PICALM: variants seen among roughly 807,000 people sequenced by gnomAD.
The protein encoded by PICALM is phosphatidylinositol-binding clathrin assembly protein.
A neutral mutation model predicts 80.5 loss-of-function variants in PICALM; 40 were observed. That is an observed-to-expected ratio of 0.50 (90% CI 0.39 to 0.65). The LOEUF (loss-of-function observed/expected upper bound fraction) is 0.65, where lower values mean the gene tolerates loss of function less well. PICALM is among the 30% of genes least tolerant of loss of function. The probability of loss-of-function intolerance (pLI) is 0.00; values close to 1 mark genes in which losing one functional copy is unlikely to be tolerated. For missense variants in PICALM, 676 were observed against 778.9 expected (o/e 0.87, Z 1.57); for synonymous variants, 288 against 260.3 (o/e 1.11, Z -1.02).
In PICALM at chr11:86,034,756, T is replaced by C. The variant is rs186046317; in HGVS notation, c.131-3145A>G. On this transcript the variant is annotated intron_variant, in intron 1 of 19. Transcript: ENST00000393346. ...CCAATATTTAAGGGGATGAAGACAA[T>C]AGGCCTAAAAATAAGCCTACCATAG... Among the ~76,000 whole-genome samples the C allele has an allele frequency of 1.1e-4, 17 of 152,144 alleles. No homozygotes were observed. The East Asian group carries it at 1.3e-3, about 12-fold the overall frequency.
At chr11:86,036,760 A>C (rs1339053051) in intron 1 of PICALM, among the ~76,000 whole-genome samples, 1 of 152,132 alleles carries the variant, frequency 6.6e-6, no homozygotes, top group Non-Finnish European at 1.5e-5. Context: ...ATATTAAGTC[A>C]AAAGTTATAG....
chr11:85,988,840 G>A (rs2094670091), intron 13 of PICALM, among the ~76,000 whole-genome samples: 1 of 152,136 alleles, frequency 6.6e-6, no homozygotes, highest in African/African-American at 2.4e-5. Flanking sequence ...TATTCCGTTT[G>A]CATAAATTAG....
intron 4 of PICALM, among the ~76,000 whole-genome samples, chr11:86,021,002 T>G (rs1271743159): frequency 6.6e-6 from 1 of 152,190 alleles, no homozygotes; most frequent in African/African-American, 2.4e-5. Flanking sequence ...CCAGAACATA[T>G]TTTTTAAAAT....
Position 85,996,852 on chromosome 11 carries a change from G to A in PICALM, c.1232C>T (p.Ala411Val). 6.2e-7 allele frequency: 1 copy of A among 1,609,178 alleles called. No individual in the cohort carries two copies. Among genetic ancestry groups the A allele is most frequent in the South Asian group, 1.1e-5 (1 of 90,852 alleles). ...FHPSVHPMST[A>V]SQVASTWGDP... Reference sequence around the variant, plus strand: ...TCCCCATGTACTTGCTACCTGAGAAGCAGTTGACATAGGATGTACAGATGG... The same window carrying A: ...TCCCCATGTACTTGCTACCTGAGAAACAGTTGACATAGGATGTACAGATGG... Residue 411 changes from alanine to valine, a missense_variant, in exon 12 of 20, where the codon GCT (alanine) becomes GTT (valine). This residue lies in a region of PICALM where 391 missense variants were observed against 383.6 expected (regional missense o/e 1.02). Coordinates refer to ENST00000393346, the MANE Select transcript of PICALM (RefSeq NM_007166.4).
chr11:86,025,432 T>C (rs1286540820), intron 3 of PICALM, among the ~76,000 whole-genome samples: 2 of 151,898 alleles, frequency 1.3e-5, no homozygotes, highest in Non-Finnish European at 2.9e-5. Flanking sequence ...GCTACGAATA[T>C]GAAGGAACAA....
At chr11:86,058,420 A>AACC (rs2137584220) in intron 1 of PICALM, among the ~76,000 whole-genome samples, 1 of 152,310 alleles carries the variant, frequency 6.6e-6, no homozygotes, top group East Asian at 1.9e-4. Flanking sequence ...CAACTTCCTC[A>AACC]ACCACTACTT....
chr11:86,051,750 T>C (rs1234843796), intron 1 of PICALM, among the ~76,000 whole-genome samples: 1 of 152,176 alleles, frequency 6.6e-6, no homozygotes, highest in Non-Finnish European at 1.5e-5. Context: ...AGAAAAGCTC[T>C]CTCCTATCTA....
intron 1 of PICALM, among the ~76,000 whole-genome samples, chr11:86,045,442 T>C (rs2096055471): frequency 7.1e-6 from 1 of 140,610 alleles, no homozygotes. Flanking sequence ...TTTGAGGCTG[T>C]AGTATGCAAT....
Position 86,011,139 on chromosome 11 carries a change from G to A in PICALM, c.659-3C>T. On this transcript the variant is annotated splice_region_variant and splice_polypyrimidine_tract_variant and intron_variant, in intron 6 of 19. Transcript: ENST00000393346. ...CTTTTTCATATCAAAATATTTTTCT[G>A]ACAAAATAAATGTAAAAATTCTTTT... The A allele has an allele frequency of 4.0e-6, 5 of 1,239,152 alleles. No individual in the cohort carries two copies. Among genetic ancestry groups the A allele is most frequent in the Admixed American group, 2.2e-5 (1 of 46,226 alleles). 76.8% of individuals were successfully genotyped at this position (1,239,152 alleles called of 1,614,324 possible).
rs199753400 is a variant in PICALM at position 85,992,753 on chromosome 11, GAA to G, written c.1259-2356_1259-2355del. Among the ~76,000 whole-genome samples the G allele has an allele frequency of 9.2e-3, 1,401 of 152,278 alleles. 69 individuals carry two copies. The highest frequency in any genetic ancestry group is 2.1e-3 in the Non-Finnish European group (141 of 68,036). On this transcript the variant is annotated intron_variant, in intron 12 of 19. Coordinates refer to ENST00000393346, the MANE Select transcript of PICALM (RefSeq NM_007166.4). ...CTGTAACAGATCCATTGGTTTATGA[GAA>G]AACACATGTTCAGGAAAGGTTACCA...
intron 1 of PICALM, among the ~76,000 whole-genome samples, chr11:86,060,796 G>T (rs1183882951): frequency 6.6e-6 from 1 of 151,096 alleles, no homozygotes. Context: ...ACTCAAAATG[G>T]ATCACAGACC....
chr11:85,988,927 C>G (rs917493709), intron 13 of PICALM, among the ~76,000 whole-genome samples: 2 of 152,210 alleles, frequency 1.3e-5, no homozygotes, highest in African/African-American at 4.8e-5. Context: ...CTATCGTGTC[C>G]TCTAATGTGT....
At chr11:86,045,723 A>G (rs1032520595) in intron 1 of PICALM, among the ~76,000 whole-genome samples, 9 of 152,124 alleles carry the variant, frequency 5.9e-5, no homozygotes, top group Non-Finnish European at 1.3e-4. Context: ...GGATATATGA[A>G]GAGTCTCCTA....
At chr11:86,027,085 C>G (rs960462036) in intron 2 of PICALM, among the ~76,000 whole-genome samples, 1 of 152,226 alleles carries the variant, frequency 6.6e-6, no homozygotes, top group Admixed American at 6.5e-5. Flanking sequence ...CTTAACATTT[C>G]ATCTTAAATG....
At chr11:86,019,778 A>G (rs1347809223) in intron 4 of PICALM, among the ~76,000 whole-genome samples, 3 of 152,234 alleles carry the variant, frequency 2.0e-5, no homozygotes, top group Non-Finnish European at 4.4e-5. Flanking sequence ...ATTTTCTTGC[A>G]TAACTAAGAG....
chr11:86,029,250 C>A (rs1272998476), intron 2 of PICALM, among the ~76,000 whole-genome samples: 1 of 152,086 alleles, frequency 6.6e-6, no homozygotes, highest in East Asian at 1.9e-4. Context: ...AAAAAAAAAT[C>A]ATCCCCCTTC....
chr11:86,061,991 C>A (rs936259391), intron 1 of PICALM, among the ~76,000 whole-genome samples: 6 of 151,552 alleles, frequency 4.0e-5, no homozygotes, highest in Non-Finnish European at 5.9e-5. Context: ...CATATTAGTA[C>A]GTGAAAAAAG....
At chr11:86,020,745 G>A (rs1259088165) in intron 4 of PICALM, among the ~76,000 whole-genome samples, 1 of 152,044 alleles carries the variant, frequency 6.6e-6, no homozygotes, top group Non-Finnish European at 1.5e-5. Context: ...AAATAGATAA[G>A]AACCTAACTA....
At chr11:85,970,396 T>C (rs1229631085) in intron 19 of PICALM, among the ~76,000 whole-genome samples, 1 of 152,218 alleles carries the variant, frequency 6.6e-6, no homozygotes, top group Admixed American at 6.5e-5. Context: ...TGTAAAAGCA[T>C]GGAATCGAAG....
Sources: allele counts gnomAD v4.1 joint callset (sites outside exome capture counted in the v4.1 genomes callset), GRCh38; gene constraint gnomAD v4.1.1; regional missense constraint gnomAD v4.1.1; transcripts MANE v1.5; gene names NCBI Gene and HGNC (gene_info 2026-07-23, HGNC 2026-07-21).